The following CDKL4 variants were observed in gnomAD, a reference collection of about 807,000 sequenced individuals.
CDKL4 encodes cyclin-dependent kinase-like 4.
In CDKL4, 44 loss-of-function variants were observed where a neutral mutation model predicts 42.0. That is an observed-to-expected ratio of 1.05 (90% CI 0.82 to 1.35). The LOEUF (loss-of-function observed/expected upper bound fraction) is 1.35. Among genes scored for constraint, CDKL4 ranks in the 40% most tolerant of loss-of-function variants. CDKL4 has a pLI of 0.00. For missense variants in CDKL4, 393 were observed against 369.9 expected (o/e 1.06, Z -0.51); for synonymous variants, 120 against 121.6 (o/e 0.99, Z 0.09).
chr2:39,228,992 C>A (rs1452308233), intron 2 of CDKL4, among the ~76,000 whole-genome samples: 1 of 152,044 alleles, frequency 6.6e-6, no homozygotes, highest in African/African-American at 2.4e-5. Context: ...GGCATTGGTG[C>A]GGTCCTGTGG....
At position 39,206,473 on chromosome 2, in the gene CDKL4, G is replaced by T. The variant is rs993745673; in HGVS notation, c.364-1856C>A. 2.0e-5 allele frequency among the ~76,000 whole-genome samples: 3 copies of T among 152,196 alleles called. No homozygotes were observed. The South Asian group carries it at 6.2e-4, about 31-fold the overall frequency. ...CAGATGCTCCTCGCTGGACAGGAGC[G>T]GCCCGGCTAGGGGCCTGGGTGAGGG... On this transcript the variant is annotated intron_variant, in intron 4 of 9. Coordinates refer to ENST00000451199, the Ensembl canonical transcript of CDKL4.
rs138212092 is a variant in CDKL4 at position 39,199,015 on chromosome 2, CA to C, written c.454+5511del. 1.6e-4 allele frequency among the ~76,000 whole-genome samples: 24 copies of C among 151,048 alleles called. 1 individual carries two copies. The highest frequency in any genetic ancestry group is 5.6e-4 in the African/African-American group (23 of 41,258). ...GCAGAAGTAAATGATATTGAAACAA[CA>C]AAAAAAACCCACAAAAGATAAATGA... On this transcript the variant is annotated intron_variant, in intron 5 of 9. Transcript: ENST00000451199.
chr2:39,189,802 T>G (rs1676068106), intron 6 of CDKL4, among the ~76,000 whole-genome samples: 2 of 152,268 alleles, frequency 1.3e-5, no homozygotes, highest in South Asian at 4.1e-4. Context: ...ATGCTGCGTA[T>G]TGCTGCTTTT....
chr2:39,223,583 T>C (rs191014732), intron 3 of CDKL4, among the ~76,000 whole-genome samples: 35 of 140,362 alleles, frequency 2.5e-4, no homozygotes, highest in East Asian at 4.1e-4. Context: ...TTCCTTCTCT[T>C]TTTTTTTTTT....
chr2:39,229,620 G>C lies in CDKL4; in HGVS notation c.-56-32C>G, dbSNP rs1175251287. The C allele has an allele frequency of 8.5e-6, 9 of 1,052,710 alleles. No homozygotes were observed. In the East Asian group the frequency reaches 2.2e-4, roughly 26 times the overall value. The allele number at this position is 1,052,710 out of a possible 1,614,324, so 65.2% of individuals were successfully genotyped here. On this transcript the variant is annotated intron_variant, in intron 1 of 9. Coordinates refer to ENST00000451199, the Ensembl canonical transcript of CDKL4. Reference sequence around the variant, plus strand: ...AATAAGGTAGACTTGCCTTAATCAAGCTATAAAAGACAATGTTCTCACAGG... The same window carrying C: ...AATAAGGTAGACTTGCCTTAATCAACCTATAAAAGACAATGTTCTCACAGG...
intron 3 of CDKL4, among the ~76,000 whole-genome samples, chr2:39,217,647 C>T (rs1411489480): frequency 6.6e-6 from 1 of 152,160 alleles, no homozygotes; most frequent in Non-Finnish European, 1.5e-5. Context: ...CCTAAAGTCA[C>T]TCCATCCCAG....
chr2:39,209,708 G>T (rs558576800), intron 4 of CDKL4, among the ~76,000 whole-genome samples: 2 of 152,300 alleles, frequency 1.3e-5, no homozygotes, highest in African/African-American at 4.8e-5. Flanking sequence ...CTCTGGAGAT[G>T]ATAAGGTGCA....
exon 10 of CDKL4, chr2:39,176,094 A>C (rs1434751568): frequency 1.1e-5 from 5 of 469,096 alleles, no homozygotes; most frequent in South Asian, 7.8e-5. Context: ...GCAACAGTTG[A>C]TTCTAATAGC....
chr2:39,231,722 A>G (rs1194869517), intron 1 of CDKL4, among the ~76,000 whole-genome samples: 1 of 152,240 alleles, frequency 6.6e-6, no homozygotes, highest in Non-Finnish European at 1.5e-5. Context: ...ATGGCTGGAA[A>G]GAGAGTAGGA....
chr2:39,242,734 AAAG>A (rs1467290567), intron 1 of CDKL4, among the ~76,000 whole-genome samples: 2 of 152,190 alleles, frequency 1.3e-5, no homozygotes, highest in African/African-American at 4.8e-5. Flanking sequence ...AGGTAGAAAA[AAAG>A]AAGAGTGAAA....
chr2:39,174,729 C>A (rs372739930), downstream of CDKL4, among the ~76,000 whole-genome samples: 12 of 152,196 alleles, frequency 7.9e-5, no homozygotes, highest in East Asian at 9.7e-4. Flanking sequence ...TCACTGATTG[C>A]GCCTTTTTGC....
chr2:39,184,688 AAAGT>A (rs765210561), intron 7 of CDKL4, 41 bp from the exon 8 acceptor site: 5 of 1,353,202 alleles, frequency 3.7e-6, no homozygotes, highest in Non-Finnish European at 5.3e-6. Context: ...ACATAAGAAC[AAAGT>A]AATATGTGTG....
At chr2:39,181,718 G>C (rs1675448509) in intron 8 of CDKL4, among the ~76,000 whole-genome samples, 1 of 152,118 alleles carries the variant, frequency 6.6e-6, no homozygotes, top group Non-Finnish European at 1.5e-5. Flanking sequence ...CAGACACACA[G>C]AGTGAATGCC....
At chr2:39,237,508 G>A (rs1341835441) in intron 1 of CDKL4, among the ~76,000 whole-genome samples, 2 of 152,152 alleles carry the variant, frequency 1.3e-5, no homozygotes, top group African/African-American at 4.8e-5. Flanking sequence ...TGTATTGAAA[G>A]TTCTTGTCAG....
intron 5 of CDKL4, among the ~76,000 whole-genome samples, chr2:39,195,645 T>C (rs906368453): frequency 1.3e-5 from 2 of 148,508 alleles, no homozygotes; most frequent in Non-Finnish European, 3.0e-5. Context: ...TAATTAATTT[T>C]TTTTTTTTTT....
intron 8 of CDKL4, 78 bp downstream of exon 8, chr2:39,184,513 T>C: frequency 1.0e-6 from 1 of 957,230 alleles, no homozygotes; most frequent in Non-Finnish European, 1.6e-6. Context: ...TTTAATCCAC[T>C]GTCCACCCCT....
At chr2:39,193,992 A>G (rs1676356762) in intron 5 of CDKL4, among the ~76,000 whole-genome samples, 1 of 152,204 alleles carries the variant, frequency 6.6e-6, no homozygotes, top group Non-Finnish European at 1.5e-5. Flanking sequence ...TCAGTAATAA[A>G]TGGTTCTACA....
At chr2:39,229,835 T>C (rs538359059) in intron 1 of CDKL4, among the ~76,000 whole-genome samples, 3 of 152,350 alleles carry the variant, frequency 2.0e-5, no homozygotes, top group African/African-American at 4.8e-5. Flanking sequence ...CTAAAAGAAT[T>C]TGTGGAAAGG....
chr2:39,220,475 C>A (rs1229191351), intron 3 of CDKL4, among the ~76,000 whole-genome samples: 3 of 152,036 alleles, frequency 2.0e-5, no homozygotes, highest in African/African-American at 4.8e-5. Flanking sequence ...TGATTTATAA[C>A]GGGGAATGTA....
Sources: gnomAD v4.1 joint callset for allele counts (sites outside exome capture counted in the v4.1 genomes callset) on GRCh38, gnomAD v4.1.1 for gene constraint, MANE v1.5 for transcripts, NCBI Gene and HGNC (gene_info 2026-07-23, HGNC 2026-07-21) for gene names.